Variants in GRID2 observed in about 807,000 individuals in gnomAD.
GRID2 encodes the protein glutamate ionotropic receptor delta type subunit 2.
A neutral mutation model predicts 114.8 loss-of-function variants in GRID2; 33 were observed. The ratio of observed to expected loss-of-function variants is 0.29; its 90% CI spans 0.22 to 0.38. GRID2 has a LOEUF of 0.38. Ranked by LOEUF, GRID2 falls within the 10% of genes least tolerant of loss-of-function variation. The pLI, the probability that GRID2 is intolerant of heterozygous loss-of-function variation, is 1.00. For missense variants in GRID2, 1,184 were observed against 1,257.7 expected (o/e 0.94, Z 0.89); for synonymous variants, 505 against 449.9 (o/e 1.12, Z -1.55).
At chr4:93,184,369 C>T (rs1740191017) in intron 4 of GRID2, among the ~76,000 whole-genome samples, 1 of 152,056 alleles carries the variant, frequency 6.6e-6, no homozygotes, top group Non-Finnish European at 1.5e-5. Flanking sequence ...TGTCCGTGTA[C>T]ATTCAGTCAA....
chr4:93,162,570 C>G (rs1257224886), intron 4 of GRID2, among the ~76,000 whole-genome samples: 2 of 151,842 alleles, frequency 1.3e-5, no homozygotes, highest in African/African-American at 4.8e-5. Context: ...AAAATCTTGT[C>G]TGTAAGCTTA....
intron 1 of GRID2, among the ~76,000 whole-genome samples, chr4:92,385,090 T>G (rs1729878347): frequency 6.6e-6 from 1 of 151,860 alleles, no homozygotes; most frequent in South Asian, 2.1e-4. Flanking sequence ...AAATGTATTT[T>G]AGAGTATCTA....
chr4:92,897,250 A>T (rs1353880725), intron 2 of GRID2, among the ~76,000 whole-genome samples: 1 of 152,092 alleles, frequency 6.6e-6, no homozygotes, highest in Non-Finnish European at 1.5e-5. Context: ...TTTTCCCCAA[A>T]CAAATTCTCC....
chr4:92,830,141 G>T (rs1160596598), intron 2 of GRID2, among the ~76,000 whole-genome samples: 1 of 147,476 alleles, frequency 6.8e-6, no homozygotes, highest in Non-Finnish European at 1.5e-5. Context: ...AACACCTAAA[G>T]CAATCCTGGG....
Position 93,455,729 on chromosome 4 carries a change from C to A in GRID2, c.1613C>A (p.Thr538Lys). Residue 538 changes from threonine to lysine, a missense_variant, in exon 11 of 16, where the codon ACA becomes AAA. Physicochemically the swap from Thr to Lys is moderately conservative, Grantham distance 78. Around this residue, in one of 3 missense-constraint regions of GRID2, gnomAD observed 717 missense variants for 796.9 expected, o/e 0.90. Transcript: ENST00000282020. Reference sequence around the variant, plus strand: ...CGTGAAAATGTGGTGGACTTTACGACACGTTACATGGACTACTCAGTGGGG... The same window carrying A: ...CGTGAAAATGTGGTGGACTTTACGAAACGTTACATGGACTACTCAGTGGGG... The part of the protein sequence containing the change: ...PDRENVVDFT[T>K]RYMDYSVGVL... 6.2e-7 allele frequency: 1 copy of A among 1,611,832 alleles called. No homozygotes were observed. Among genetic ancestry groups the A allele is most frequent in the Non-Finnish European group, 8.5e-7 (1 of 1,177,974 alleles).
At chr4:92,580,188 C>T (rs867170884) in intron 1 of GRID2, among the ~76,000 whole-genome samples, 25 of 151,188 alleles carry the variant, frequency 1.7e-4, no homozygotes, top group South Asian at 4.1e-4. Flanking sequence ...AATAGAATTT[C>T]TGTTTTCTTA....
chr4:92,913,441 C>T (rs923084863), intron 2 of GRID2, among the ~76,000 whole-genome samples: 2 of 151,872 alleles, frequency 1.3e-5, no homozygotes, highest in Non-Finnish European at 2.9e-5. Context: ...TATGCATTCA[C>T]AAGGCACACA....
At chr4:93,631,198 T>A (rs1743212284) in intron 14 of GRID2, among the ~76,000 whole-genome samples, 1 of 151,636 alleles carries the variant, frequency 6.6e-6, no homozygotes, top group Non-Finnish European at 1.5e-5. Flanking sequence ...GTGTTTCAAA[T>A]AAACACTTAG....
chr4:92,314,660 G>T (rs973098688), intron 1 of GRID2, among the ~76,000 whole-genome samples: 7 of 152,034 alleles, frequency 4.6e-5, no homozygotes, highest in Non-Finnish European at 1.0e-4. Flanking sequence ...GAAAAAAGTT[G>T]TATGAAATTA....
chr4:93,590,736 A>G (rs1293119738), intron 13 of GRID2, among the ~76,000 whole-genome samples: 1 of 152,100 alleles, frequency 6.6e-6, no homozygotes, highest in Non-Finnish European at 1.5e-5. Flanking sequence ...TTCCGTGAGC[A>G]GCGGTTTGTA....
At chr4:93,628,282 A>C (rs1231942625) in intron 14 of GRID2, among the ~76,000 whole-genome samples, 1 of 152,224 alleles carries the variant, frequency 6.6e-6, no homozygotes, top group Non-Finnish European at 1.5e-5. Context: ...AGTTGGAGAT[A>C]TAAGACCCAT....
At chr4:93,066,955 C>T (rs1728349623) in intron 2 of GRID2, among the ~76,000 whole-genome samples, 1 of 152,014 alleles carries the variant, frequency 6.6e-6, no homozygotes, top group Non-Finnish European at 1.5e-5. Context: ...GGATGATTCA[C>T]ATCCTGGGAG....
chr4:92,490,556 GT>G (rs780821266), intron 1 of GRID2, among the ~76,000 whole-genome samples: 2 of 152,078 alleles, frequency 1.3e-5, no homozygotes, highest in African/African-American at 2.4e-5. Context: ...TTTTACGTTG[GT>G]TTATTGTTCT....
rs28520229 is a variant in GRID2 at position 92,318,957 on chromosome 4, G to A, written c.88+14213G>A. Among the ~76,000 whole-genome samples the A allele has an allele frequency of 4.5e-3, 688 of 152,232 alleles. 6 individuals are homozygous for A. The highest frequency in any genetic ancestry group is 0.016 in the African/African-American group (657 of 41,552). The stretch of plus-strand genomic sequence containing the variant: ...TTAAATGTTCAAATCAAAGAGAAGA[G>A]AGGAAGGAATGTACAGAGGGAACAA... On this transcript the variant is annotated intron_variant, in intron 1 of 15. Coordinates refer to ENST00000282020, the MANE Select transcript of GRID2 (RefSeq NM_001510.4).
chr4:92,816,648 A>G (rs1339734715), intron 2 of GRID2, among the ~76,000 whole-genome samples: 1 of 152,148 alleles, frequency 6.6e-6, no homozygotes, highest in East Asian at 1.9e-4. Context: ...ATTTGCTACT[A>G]AAAGAGTTCT....
At chr4:93,464,579 A>AT (rs1285755675) in intron 11 of GRID2, among the ~76,000 whole-genome samples, 2 of 152,302 alleles carry the variant, frequency 1.3e-5, no homozygotes, top group East Asian at 3.9e-4. Context: ...TGTTTTTCAC[A>AT]TTTATAAGGC....
intron 13 of GRID2, among the ~76,000 whole-genome samples, chr4:93,604,887 A>G (rs1199095964): frequency 1.3e-5 from 2 of 152,238 alleles, no homozygotes; most frequent in African/African-American, 4.8e-5. Context: ...CACACTTAAT[A>G]GACTTCAATA....
downstream of GRID2, among the ~76,000 whole-genome samples, chr4:93,778,862 A>G (rs1019611918): frequency 5.3e-5 from 8 of 152,200 alleles, no homozygotes; most frequent in African/African-American, 1.9e-4. Context: ...TGTTTTTTTA[A>G]TGAGTACAAT....
At chr4:92,384,542 T>A (rs1164036868) in intron 1 of GRID2, among the ~76,000 whole-genome samples, 1 of 60,118 alleles carries the variant, frequency 1.7e-5, no homozygotes, top group African/African-American at 7.2e-5. Context: ...TATAATATAA[T>A]ATATAATATA....
Sources: allele counts gnomAD v4.1 joint callset (sites outside exome capture counted in the v4.1 genomes callset), GRCh38; gene constraint gnomAD v4.1.1; regional missense constraint gnomAD v4.1.1; transcripts MANE v1.5; gene names NCBI Gene and HGNC (gene_info 2026-07-23, HGNC 2026-07-21).